Variants in PLIN2 observed in about 807,000 individuals in gnomAD.
PLIN2 encodes perilipin-2.
A neutral mutation model predicts 30.6 loss-of-function variants in PLIN2; 33 were observed. That is an observed-to-expected ratio of 1.08 (90% CI 0.82 to 1.44). The LOEUF is 1.44. Ranked by LOEUF, PLIN2 falls within the 40% of genes most tolerant of loss-of-function variation. The pLI is 0.00. For synonymous variants in PLIN2, 205 were observed against 201.1 expected, an observed-to-expected ratio of 1.02 and a Z score of -0.16; for missense variants, 610 against 531.8, an observed-to-expected ratio of 1.15 and a Z score of -1.45.
In PLIN2 at chr9:19,126,265, C is replaced by G; in HGVS notation, c.75G>C (p.Thr25=). Residue 25 remains threonine, a synonymous_variant, in exon 3 of 8, where the codon ACG becomes ACC. Transcript: ENST00000276914. ...RVVNLPLVSS[T]YDLMSSAYLS... The stretch of plus-strand genomic sequence containing the variant: ...GATAGGCTGAGGACATGAGGTCATA[C>G]GTGGAGCTCACCAAGGGCAGGTTGA... The G allele has an allele frequency of 6.2e-7, 1 of 1,614,112 alleles. No individual in the cohort carries two copies. The highest frequency in any genetic ancestry group is 8.5e-7 in the Non-Finnish European group (1 of 1,179,992).
intron 2 of PLIN2, among the ~76,000 whole-genome samples, chr9:19,110,710 A>T (rs961254184): frequency 9.9e-5 from 15 of 152,130 alleles, no homozygotes; most frequent in Admixed American, 5.9e-4. Context: ...TCCTGACCTC[A>T]GGTGATCCAC....
downstream of PLIN2, among the ~76,000 whole-genome samples, chr9:19,115,005 T>C (rs1745336295): frequency 6.6e-6 from 1 of 152,198 alleles, no homozygotes; most frequent in Non-Finnish European, 1.5e-5. Flanking sequence ...AGAATCTCCC[T>C]TTAGGACTCA....
At position 19,121,098 on chromosome 9, in the gene PLIN2, G is replaced by A; in HGVS notation, c.377C>T (p.Ala126Val). 6.2e-7 allele frequency: 1 copy of A among 1,614,082 alleles called. No individual in the cohort carries two copies. The highest frequency in any genetic ancestry group is 8.5e-7 in the Non-Finnish European group (1 of 1,180,006). ...KDAVTTTVTG[A>V]KDSVASTITG... is the part of the protein sequence containing the mutation. Reference sequence around the variant, plus strand: ...GATCGTGCTGGCCACAGAATCCTTGGCCCCAGTCACAGTAGTCGTCACAGC... The same window carrying A: ...GATCGTGCTGGCCACAGAATCCTTGACCCCAGTCACAGTAGTCGTCACAGC... Residue 126 changes from alanine to valine, a missense_variant, in exon 5 of 8, where the codon GCC (alanine) becomes GTC (valine). Physicochemically the swap from Ala to Val is moderately conservative, Grantham distance 64 (BLOSUM62 0). Coordinates refer to ENST00000276914, the MANE Select transcript of PLIN2 (RefSeq NM_001122.4).
chr9:19,125,195 G>C (rs1338480630), intron 3 of PLIN2, among the ~76,000 whole-genome samples: 1 of 152,156 alleles, frequency 6.6e-6, no homozygotes, highest in Non-Finnish European at 1.5e-5. Context: ...ATTTTTAACT[G>C]TGCAATTCAG....
chr9:19,111,061 A>AT (rs1220889879), downstream of PLIN2, among the ~76,000 whole-genome samples: 1,475 of 144,656 alleles, frequency 0.01, 13 homozygotes, highest in African/African-American at 0.028. Flanking sequence ...AATCTTAACA[A>AT]TTTTTTTTTT....
At chr9:19,125,243 C>T (rs749293507) in intron 3 of PLIN2, among the ~76,000 whole-genome samples, 17 of 152,210 alleles carry the variant, frequency 1.1e-4, no homozygotes, top group Non-Finnish European at 2.2e-4. Flanking sequence ...ACAACCATCA[C>T]CACTATCCAT....
rs1818213699 is a variant in PLIN2 at position 19,115,916 on chromosome 9, C to G, written c.*332G>C. On this transcript the variant is annotated 3_prime_UTR_variant, in exon 8 of 8. Transcript: ENST00000276914. ...ACACCAGAGCAGACACCAGTTTCTA[C>G]CCCAGCCCACATGAAGATGTTTTTA... The G allele has an allele frequency of 5.2e-6, 1 of 193,174 alleles. No homozygotes were observed. The highest frequency in any genetic ancestry group is 5.4e-5 in the Admixed American group (1 of 18,474). The allele number at this position is 193,174 out of a possible 1,614,324, so 12.0% of individuals were successfully genotyped here. A position where few individuals can be genotyped will look rare whatever the true frequency, so the allele number is the denominator to read the frequency against.
At chr9:19,115,270 AT>A (rs796090271), downstream of PLIN2, among the ~76,000 whole-genome samples, 6 of 140,158 alleles carry the variant, frequency 4.3e-5, no homozygotes, top group African/African-American at 1.3e-4. Context: ...CAAGCATCCT[AT>A]TTTTTTTTAA....
intron 1 of PLIN2, among the ~76,000 whole-genome samples, chr9:19,126,680 C>A (rs553851261): frequency 1.3e-5 from 2 of 152,184 alleles, no homozygotes; most frequent in South Asian, 4.1e-4. Context: ...TGTAAACTTG[C>A]AATACTCAGG....
intron 2 of PLIN2, among the ~76,000 whole-genome samples, chr9:19,109,859 G>A (rs1401854746): frequency 2.0e-5 from 3 of 151,800 alleles, no homozygotes; most frequent in East Asian, 1.9e-4. Context: ...GGGAGGCTGA[G>A]GCAGGAGAAT....
chr9:19,111,066 T>TC (rs1261559858), downstream of PLIN2, among the ~76,000 whole-genome samples: 1 of 152,126 alleles, frequency 6.6e-6, no homozygotes, highest in East Asian at 1.9e-4. Context: ...TAACAATTTT[T>TC]TTTTTTTTTG....
chr9:19,121,868 T>A (rs1588645947), intron 4 of PLIN2, among the ~76,000 whole-genome samples: 1 of 151,280 alleles, frequency 6.6e-6, no homozygotes, highest in Middle Eastern at 3.2e-3. Context: ...GAGGTGGAGG[T>A]TGCAGTGAGC....
At chr9:19,121,576 A>G (rs1191748292) in intron 4 of PLIN2, among the ~76,000 whole-genome samples, 4 of 152,160 alleles carry the variant, frequency 2.6e-5, no homozygotes, top group African/African-American at 7.2e-5. Context: ...AAAGTCACAC[A>G]AATCCAGAGA....
At chr9:19,119,927 A>G (rs767425768) in intron 5 of PLIN2, 96 bp from the exon 6 acceptor site, 17 of 757,054 alleles carry the variant, frequency 2.2e-5, no homozygotes, top group Non-Finnish European at 3.3e-5. Flanking sequence ...TCTTACTTCT[A>G]CCCAATCACT....
At chr9:19,112,780 A>G (rs1227657672), downstream of PLIN2, among the ~76,000 whole-genome samples, 3 of 151,818 alleles carry the variant, frequency 2.0e-5, no homozygotes, top group Non-Finnish European at 4.4e-5. Context: ...AAATGCATGT[A>G]GACACAAACT....
intron 5 of PLIN2, among the ~76,000 whole-genome samples, chr9:19,120,336 T>TGCAC (rs1181463540): frequency 2.6e-5 from 4 of 152,118 alleles, no homozygotes; most frequent in Non-Finnish European, 5.9e-5. Context: ...TAGGCATGCA[T>TGCAC]GCACCATTGC....
chr9:19,124,918 G>C (rs1020282530), intron 3 of PLIN2, among the ~76,000 whole-genome samples: 1 of 152,192 alleles, frequency 6.6e-6, no homozygotes, highest in Non-Finnish European at 1.5e-5. Context: ...CTGATATGAT[G>C]TGACAAGACA....
At chr9:19,122,108 C>CAAA (rs59357707) in intron 4 of PLIN2, among the ~76,000 whole-genome samples, 3 of 63,304 alleles carry the variant, frequency 4.7e-5, no homozygotes, top group African/African-American at 7.0e-5. Context: ...GACTCTGTCT[C>CAAA]AAAAAAAAAA....
Position 19,116,416 on chromosome 9 carries a change from C to G in PLIN2, c.1146G>C (p.Lys382Asn), listed in dbSNP as rs1354449218. 6.2e-7 allele frequency: 1 copy of G among 1,614,202 alleles called. No individual in the cohort carries two copies. Among genetic ancestry groups the G allele is most frequent in the South Asian group, 1.1e-5 (1 of 91,084 alleles). Residue 382 changes from lysine to asparagine, a missense_variant, in exon 8 of 8, where the codon AAG (lysine) becomes AAC (asparagine). Coordinates refer to ENST00000276914, the MANE Select transcript of PLIN2 (RefSeq NM_001122.4). ...AATCCATCACGTCATCTAAAGATTC[C>G]TTCATTTTCTGCAGCTGCCCCTTGC... ...TSSKGQLQKMKESLDDVMDYL... is the reference protein window; with the variant it reads ...TSSKGQLQKMNESLDDVMDYL...
Sources: allele counts gnomAD v4.1 joint callset (sites outside exome capture counted in the v4.1 genomes callset), GRCh38; gene constraint gnomAD v4.1.1; transcripts MANE v1.5; gene names NCBI Gene and HGNC (gene_info 2026-07-23, HGNC 2026-07-21).